FRMD4A: variants seen among roughly 807,000 people sequenced by gnomAD.
FRMD4A encodes FERM domain-containing protein 4A.
Under a neutral mutation model 129.1 loss-of-function variants are expected in FRMD4A, and 29 were observed. The ratio of observed to expected loss-of-function variants is 0.22; its 90% CI spans 0.17 to 0.31. The LOEUF (loss-of-function observed/expected upper bound fraction) is 0.31, where lower values mean the gene tolerates loss of function less well. Among genes scored for constraint, FRMD4A ranks in the 10% least tolerant of loss-of-function variants. FRMD4A has a pLI of 1.00. For missense variants in FRMD4A, 1,272 were observed against 1,375.8 expected (o/e 0.92, Z 1.19); for synonymous variants, 634 against 571.6 (o/e 1.11, Z -1.56).
intron 15 of FRMD4A, among the ~76,000 whole-genome samples, chr10:13,691,869 T>A (rs2085729104): frequency 6.6e-6 from 1 of 152,180 alleles, no homozygotes; most frequent in Non-Finnish European, 1.5e-5. Flanking sequence ...GACTCTGCTC[T>A]AGGTCATTCA....
At chr10:13,894,368 G>T (rs774691495) in intron 2 of FRMD4A, among the ~76,000 whole-genome samples, 1 of 152,150 alleles carries the variant, frequency 6.6e-6, no homozygotes, top group Non-Finnish European at 1.5e-5. Context: ...CCTTCTGATG[G>T]CTATAAGGAC....
intron 2 of FRMD4A, among the ~76,000 whole-genome samples, chr10:13,998,339 C>T (rs2095630279): frequency 6.6e-6 from 1 of 152,226 alleles, no homozygotes; most frequent in African/African-American, 2.4e-5. Context: ...AACTGCTCAT[C>T]TGTCATCACT....
chr10:14,017,659 T>A (rs529810179), intron 2 of FRMD4A, among the ~76,000 whole-genome samples: 3 of 152,326 alleles, frequency 2.0e-5, no homozygotes, highest in African/African-American at 7.2e-5. Flanking sequence ...AAGTAATCCC[T>A]CTGGTGCTGC....
chr10:14,268,973 G>T (rs1845072373), intron 2 of FRMD4A, among the ~76,000 whole-genome samples: 1 of 152,236 alleles, frequency 6.6e-6, no homozygotes, highest in African/African-American at 2.4e-5. Flanking sequence ...TAGGATGAAA[G>T]CCAGTGACAA....
intron 3 of FRMD4A, among the ~76,000 whole-genome samples, chr10:13,838,053 A>G (rs1431057908): frequency 6.6e-6 from 1 of 152,082 alleles, no homozygotes; most frequent in African/African-American, 2.4e-5. Flanking sequence ...TATTTAACAC[A>G]TCACAGGAAA....
intron 2 of FRMD4A, among the ~76,000 whole-genome samples, chr10:14,299,980 T>C (rs1245941625): frequency 6.6e-6 from 1 of 151,830 alleles, no homozygotes; most frequent in Non-Finnish European, 1.5e-5. Flanking sequence ...AAAGAGAAAG[T>C]GCAAAGTGAA....
At chr10:13,654,058 C>G in intron 23 of FRMD4A, 1 of 443,486 alleles carries the variant, frequency 2.3e-6, no homozygotes, top group East Asian at 3.7e-5. Context: ...TCTTTCTCCC[C>G]CTGACATTCT....
chr10:13,942,067 C>T (rs373946227), intron 2 of FRMD4A, among the ~76,000 whole-genome samples: 1 of 152,156 alleles, frequency 6.6e-6, no homozygotes, highest in African/African-American at 2.4e-5. Flanking sequence ...TCTGAAGACA[C>T]CGCGCCCTGT....
chr10:14,323,277 G>A (rs1843136657), intron 2 of FRMD4A, among the ~76,000 whole-genome samples: 1 of 152,154 alleles, frequency 6.6e-6, no homozygotes, highest in Non-Finnish European at 1.5e-5. Context: ...CAAAGGAAGG[G>A]ACTACTAGTA....
In FRMD4A at chr10:13,702,552, G is replaced by A. The variant is rs1385603236; in HGVS notation, c.837-1074C>T. 5.8e-3 allele frequency among the ~76,000 whole-genome samples: 877 copies of A among 152,064 alleles called. 11 individuals are homozygous for A. Among genetic ancestry groups the A allele is most frequent in the African/African-American group, 0.02 (825 of 41,404 alleles). The stretch of plus-strand genomic sequence containing the variant: ...AATGTGTGTTTGCATGTGTGTGTGT[G>A]TGTGTGTGTGTGTGTGCGCATGCAT... On this transcript the variant is annotated intron_variant, in intron 13 of 24. Coordinates refer to ENST00000357447, the MANE Select transcript of FRMD4A (RefSeq NM_018027.5).
chr10:14,116,646 C>T (rs1838215172), intron 2 of FRMD4A, among the ~76,000 whole-genome samples: 1 of 152,132 alleles, frequency 6.6e-6, no homozygotes, highest in Non-Finnish European at 1.5e-5. Flanking sequence ...CACGGAGAGA[C>T]CCCATTTATA....
At chr10:13,878,347 C>A (rs1564959167) in intron 2 of FRMD4A, among the ~76,000 whole-genome samples, 1 of 151,834 alleles carries the variant, frequency 6.6e-6, no homozygotes, top group African/African-American at 2.4e-5. Context: ...GGCTCCTGAT[C>A]TTTGCACTTT....
chr10:14,177,584 T>G (rs1284906480), intron 2 of FRMD4A, among the ~76,000 whole-genome samples: 3 of 152,172 alleles, frequency 2.0e-5, no homozygotes, highest in Non-Finnish European at 4.4e-5. Flanking sequence ...TCTCTCTGGC[T>G]CTCAATCTCC....
chr10:14,154,855 A>C (rs1257509067), intron 2 of FRMD4A, among the ~76,000 whole-genome samples: 2 of 152,244 alleles, frequency 1.3e-5, no homozygotes, highest in African/African-American at 4.8e-5. Context: ...TGGCAGAACC[A>C]CATCATTTGT....
chr10:13,849,804 A>G (rs2094116026), intron 3 of FRMD4A, among the ~76,000 whole-genome samples: 1 of 151,710 alleles, frequency 6.6e-6, no homozygotes, highest in South Asian at 2.1e-4. Context: ...GCAGAATATC[A>G]TTAACCACAG....
rs35059886 is a variant in FRMD4A at position 13,717,692 on chromosome 10, G to GTT, written c.760-10581_760-10580dup. Among the ~76,000 whole-genome samples, 538 of 95,204 alleles carry GTT rather than the reference G, an allele frequency of 5.7e-3. 14 individuals are homozygous for GTT. Among genetic ancestry groups the GTT allele is most frequent in the Admixed American group, 0.019 (135 of 7,008 alleles). The allele number at this position is 95,204 out of a possible 152,430, so 62.5% of individuals were successfully genotyped here. A position where few individuals can be genotyped will look rare whatever the true frequency, so the allele number is the denominator to read the frequency against. On this transcript the variant is annotated intron_variant, in intron 12 of 24. Coordinates refer to ENST00000357447, the MANE Select transcript of FRMD4A (RefSeq NM_018027.5). ...CTTTAGGGAGAAACCTGTTGTTCTT[G>GTT]TTTTTTTTTTTTTTTTTTCCAGGGG...
rs867785140 is a variant in FRMD4A, at chr10:14,128,073, T to C, written c.45+201985A>G. Among the ~76,000 whole-genome samples the C allele has an allele frequency of 9.6e-3, 1,040 of 108,440 alleles. 26 individuals carry two copies. The highest frequency in any genetic ancestry group is 0.02 in the Middle Eastern group (5 of 246). 71.1% of individuals were successfully genotyped at this position (108,440 alleles called of 152,430 possible). A position where few individuals can be genotyped will look rare whatever the true frequency, so the allele number is the denominator to read the frequency against. On this transcript the variant is annotated intron_variant, in intron 2 of 24. Coordinates refer to ENST00000357447, the MANE Select transcript of FRMD4A (RefSeq NM_018027.5). Reference sequence around the variant, plus strand: ...CTTTCTTTCTTTCTTTCTTTCTTTCTTTCTTTCTTTCTTTCTTTCTTTCTT... The same window carrying C: ...CTTTCTTTCTTTCTTTCTTTCTTTCCTTCTTTCTTTCTTTCTTTCTTTCTT...
chr10:13,852,243 A>T (rs2094149527), intron 3 of FRMD4A, among the ~76,000 whole-genome samples: 1 of 151,678 alleles, frequency 6.6e-6, no homozygotes, highest in Non-Finnish European at 1.5e-5. Context: ...CCAATATAAG[A>T]TTTTAATTTT....
At chr10:14,102,739 G>C (rs187150447) in intron 2 of FRMD4A, among the ~76,000 whole-genome samples, 1 of 148,406 alleles carries the variant, frequency 6.7e-6, no homozygotes, top group Non-Finnish European at 1.5e-5. Context: ...TTGGCTTCTA[G>C]TACAACTTTC....
Sources: allele counts gnomAD v4.1 joint callset (sites outside exome capture counted in the v4.1 genomes callset), GRCh38; gene constraint gnomAD v4.1.1; transcripts MANE v1.5; gene names NCBI Gene and HGNC (gene_info 2026-07-23, HGNC 2026-07-21).